The following TRPM4 variants were observed in gnomAD, a reference collection of about 807,000 sequenced individuals.
TRPM4 encodes the protein transient receptor potential cation channel subfamily M member 4.
In TRPM4, 124 loss-of-function variants were observed where a neutral mutation model predicts 135.6. The observed-to-expected ratio is 0.91, with a 90% CI of 0.79 to 1.06. The LOEUF (loss-of-function observed/expected upper bound fraction) is 1.06. TRPM4 is among the 50% of genes least tolerant of loss of function. The pLI is 0.00. For synonymous variants in TRPM4, 745 were observed against 705.6 expected (o/e 1.06, Z -0.88); for missense variants, 1,658 against 1,671.4 (o/e 0.99, Z 0.14).
At chr19:49,207,400 T>G (rs1969189061) in intron 20 of TRPM4, among the ~76,000 whole-genome samples, 1 of 151,728 alleles carries the variant, frequency 6.6e-6, no homozygotes. Context: ...GGAGCCAAAG[T>G]GGGAGGATCA....
In TRPM4 at chr19:49,196,499, G is replaced by C. The variant is rs1449094889; in HGVS notation, c.2270G>C (p.Gly757Ala). The change falls in exon 17 of 25, where the codon GGT becomes GCT. Residue 757 changes from glycine to alanine, a missense_variant. By Grantham distance (60) the Gly-to-Ala change is moderately conservative. Coordinates refer to ENST00000252826, the MANE Select transcript of TRPM4 (RefSeq NM_017636.4). ...GTCCCGCGCCAGTCGGGCCGTCCGG[G>C]TTGCTGCGGGGGCCGCTGCGGGGGG... ...LGVPRQSGRP[G>A]CCGGRCGGRR... is the part of the protein sequence containing the mutation. 1 of 1,555,900 alleles carries C rather than the reference G, an allele frequency of 6.4e-7. No individual in the cohort carries two copies. The highest frequency in any genetic ancestry group is 8.7e-7 in the Non-Finnish European group (1 of 1,154,412).
chr19:49,205,507 C>G (rs1309439878), intron 20 of TRPM4, among the ~76,000 whole-genome samples: 1 of 145,790 alleles, frequency 6.9e-6, no homozygotes, highest in Non-Finnish European at 1.5e-5. Context: ...TTCTGAGGCA[C>G]TATGGGTTAT....
chr19:49,177,264 C>T (rs1967732075), intron 9 of TRPM4, among the ~76,000 whole-genome samples: 1 of 149,956 alleles, frequency 6.7e-6, no homozygotes, highest in Non-Finnish European at 1.5e-5. Flanking sequence ...GGCTGATAGG[C>T]TTGGGGATAG....
chr19:49,186,908 T>C (rs1968217121), intron 12 of TRPM4, among the ~76,000 whole-genome samples: 2 of 149,490 alleles, frequency 1.3e-5, no homozygotes, highest in African/African-American at 4.9e-5. Flanking sequence ...ACACACTGCC[T>C]GGAAAGCCAC....
intron 19 of TRPM4, 38 bp downstream of exon 19, chr19:49,200,823 C>T: frequency 2.5e-6 from 4 of 1,608,576 alleles, no homozygotes; most frequent in Non-Finnish European, 2.5e-6. Context: ...TCCTCTGAGT[C>T]TCTGTCCCCG....
intron 9 of TRPM4, among the ~76,000 whole-genome samples, chr19:49,177,366 G>A (rs112296988): frequency 0.08 from 11,019 of 137,380 alleles, 958 homozygotes; most frequent in African/African-American, 0.22. Context: ...ACAGTGTCTC[G>A]CTCTGTCGCC....
chr19:49,164,940 G>C, intron 2 of TRPM4, among the ~76,000 whole-genome samples: 1 of 150,922 alleles, frequency 6.6e-6, no homozygotes, highest in East Asian at 2.0e-4. Context: ...GACAGGGTCT[G>C]ACTATATTGC....
At chr19:49,203,381 G>T (rs373814992) in intron 20 of TRPM4, among the ~76,000 whole-genome samples, 1 of 151,638 alleles carries the variant, frequency 6.6e-6, no homozygotes, top group Non-Finnish European at 1.5e-5. Context: ...GGGTTTCACC[G>T]TGTTAGCCAG....
chr19:49,166,320 A>C, intron 3 of TRPM4, 105 bp downstream of exon 3: 1 of 1,244,608 alleles, frequency 8.0e-7, no homozygotes, highest in East Asian at 2.6e-5. Flanking sequence ...CCCTCCGCCC[A>C]TCCCTGTCTT....
At chr19:49,197,973 G>T (rs1968762010) in intron 17 of TRPM4, among the ~76,000 whole-genome samples, 2 of 151,888 alleles carry the variant, frequency 1.3e-5, no homozygotes. Context: ...ACAGATGTGG[G>T]TCACCGTGCC....
In TRPM4 at chr19:49,171,818, G is replaced by A; in HGVS notation, c.1050+49G>A. ...TGGATCCTGAGATGGGAGGGAACTG[G>A]GGACTTGGGCTCCTGGGTCTGAGGG... On this transcript the variant is annotated intron_variant, in intron 8 of 24. Coordinates refer to ENST00000252826, the MANE Select transcript of TRPM4 (RefSeq NM_017636.4). This position sits in a 1 kb window ranked among gnomAD's most constrained non-coding sequence, Gnocchi z 4.7. The A allele has an allele frequency of 6.3e-7, 1 of 1,583,604 alleles. No homozygotes were observed. Among genetic ancestry groups the A allele is most frequent in the South Asian group, 1.1e-5 (1 of 89,714 alleles).
At chr19:49,197,306 CTTTTTCTT>C (rs773795854) in intron 17 of TRPM4, among the ~76,000 whole-genome samples, 30 of 125,450 alleles carry the variant, frequency 2.4e-4, no homozygotes, top group African/African-American at 7.0e-4. Context: ...CTCTTTCTTT[CTTTTTCTT>C]TCTTTCTTTC....
intron 17 of TRPM4, among the ~76,000 whole-genome samples, chr19:49,198,936 C>T (rs899090899): frequency 6.6e-6 from 1 of 151,968 alleles, no homozygotes; most frequent in Admixed American, 6.6e-5. Context: ...TAAAAGTTTA[C>T]ATCCCAGATG....
At position 49,168,240 on chromosome 19, in the gene TRPM4, G is replaced by A. The variant is rs369368726; in HGVS notation, c.449-20G>A. On this transcript the variant is annotated intron_variant, in intron 4 of 24. Transcript: ENST00000252826. ...TGTTTCTCTCCCCCTGCCTCTGCAT[G>A]TTCCTCGGCGTCTGTGTAGGAGCCT... is the stretch of plus-strand genomic sequence containing the variant. 2 of 1,613,912 alleles carry A rather than the reference G, an allele frequency of 1.2e-6. No individual in the cohort carries two copies. The highest frequency in any genetic ancestry group is 2.7e-5 in the African/African-American group (2 of 74,910).
chr19:49,188,991 G>GCCT lies in TRPM4; in HGVS notation c.1928_1930dup (p.Leu643dup), dbSNP rs763651311. 4 of 1,614,094 alleles carry GCCT rather than the reference G, an allele frequency of 2.5e-6. No individual in the cohort carries two copies. The highest frequency in any genetic ancestry group is 3.4e-6 in the Non-Finnish European group (4 of 1,180,016). ...CGCAGCAGTGAGGTGAGGGCTGCCC[G>GCCT]CCTCCTCCTCCGTCGCTGCCCGCTC... On this transcript the variant is annotated inframe_insertion, in exon 14 of 25. Coordinates refer to ENST00000252826, the MANE Select transcript of TRPM4 (RefSeq NM_017636.4).
intron 20 of TRPM4, among the ~76,000 whole-genome samples, chr19:49,204,979 G>A (rs1464031430): frequency 2.3e-5 from 2 of 85,724 alleles, no homozygotes; most frequent in Non-Finnish European, 4.3e-5. Context: ...ATTGGCTTTG[G>A]TTGTTTTTTT....
intron 3 of TRPM4, among the ~76,000 whole-genome samples, 153 bp downstream of exon 3, chr19:49,166,368 C>T (rs1330341333): frequency 6.6e-6 from 1 of 152,212 alleles, no homozygotes. Flanking sequence ...TATCTTCTCT[C>T]TGAGGGGGTC....
intron 9 of TRPM4, among the ~76,000 whole-genome samples, chr19:49,176,098 A>G (rs1349093263): frequency 6.8e-6 from 1 of 146,738 alleles, no homozygotes; most frequent in Non-Finnish European, 1.5e-5. Flanking sequence ...TAATTTTTGT[A>G]TTTTTAGTAC....
In TRPM4 at chr19:49,165,969, G is replaced by A. The variant is rs1323181314; in HGVS notation, c.93-72G>A. ...AGTGTCGACAGCCCCCTCTACAGGA[G>A]CATGAACACGCTGACAGGGTGCTGG... On this transcript the variant is annotated intron_variant, in intron 2 of 24. Coordinates refer to ENST00000252826, the MANE Select transcript of TRPM4 (RefSeq NM_017636.4). The A allele has an allele frequency of 5.5e-6, 8 of 1,462,412 alleles. No homozygotes were observed. The African/African-American group carries it at 1.1e-4, about 20-fold the overall frequency. 90.6% of individuals were successfully genotyped at this position (1,462,412 alleles called of 1,614,324 possible). A position where few individuals can be genotyped will look rare whatever the true frequency, so the allele number is the denominator to read the frequency against.
Sources: gnomAD v4.1 joint callset for allele counts (sites outside exome capture counted in the v4.1 genomes callset) on GRCh38, gnomAD v4.1.1 for gene constraint, Gnocchi (gnomAD v3.1) non-coding constraint, MANE v1.5 for transcripts, NCBI Gene and HGNC (gene_info 2026-07-23, HGNC 2026-07-21) for gene names.